The following CACNA1B variants were observed in gnomAD, a reference collection of about 807,000 sequenced individuals.
The protein encoded by CACNA1B is voltage-dependent N-type calcium channel subunit alpha-1B.
CACNA1B carries 70 observed loss-of-function variants against 247.2 expected under a neutral mutation model. The observed-to-expected ratio is 0.28, with a 90% CI of 0.23 to 0.35. The LOEUF is 0.35. Among genes scored for constraint, CACNA1B ranks in the 10% least tolerant of loss-of-function variants. The pLI is 1.00. For missense variants in CACNA1B, 2,367 were observed against 3,197.4 expected (o/e 0.74, Z 6.26); for synonymous variants, 1,231 against 1,294.4 (o/e 0.95, Z 1.05).
chr9:137,957,124 C>T lies in CACNA1B; in HGVS notation c.1243+297C>T, dbSNP rs1236683365. Among the ~76,000 whole-genome samples the T allele has an allele frequency of 6.6e-6, 1 of 152,180 alleles. No individual in the cohort carries two copies. The highest frequency in any genetic ancestry group is 6.5e-5 in the Admixed American group (1 of 15,280). ...GGGGCCATGAGAGGGAGCCCGGGCCCCACTGCTGTGGTTGCTGGCACTAGT... is the reference window on the plus strand; with the variant it reads ...GGGGCCATGAGAGGGAGCCCGGGCCTCACTGCTGTGGTTGCTGGCACTAGT... On this transcript the variant is annotated intron_variant, in intron 9 of 46. Transcript: ENST00000371372. This position sits in a 1 kb window ranked among gnomAD's most constrained non-coding sequence, Gnocchi z 4.7.
chr9:138,119,394 C>T (rs541888108), intron 44 of CACNA1B, among the ~76,000 whole-genome samples: 3 of 152,042 alleles, frequency 2.0e-5, no homozygotes, highest in Non-Finnish European at 4.4e-5. Context: ...CCCCGGCCTC[C>T]GAGGCCTCGG....
At position 137,914,870 on chromosome 9, in the gene CACNA1B, G is replaced by T. The variant is rs1185225384; in HGVS notation, c.775+64G>T. ...ACGGATGCGTTCATCCAGGAGATGG[G>T]CACTGTTCTAGGTGCTAGAGGGGCC... is the stretch of plus-strand genomic sequence containing the variant. On this transcript the variant is annotated intron_variant, in intron 5 of 46. Coordinates refer to ENST00000371372, the MANE Select transcript of CACNA1B (RefSeq NM_000718.4). This position sits in a 1 kb window ranked among gnomAD's most constrained non-coding sequence, Gnocchi z 4.3. 1.9e-6 allele frequency: 3 copies of T among 1,583,838 alleles called. No individual in the cohort carries two copies. Among genetic ancestry groups the T allele is most frequent in the Non-Finnish European group, 2.6e-6 (3 of 1,163,606 alleles).
intron 6 of CACNA1B, among the ~76,000 whole-genome samples, chr9:137,936,529 G>A (rs1957670685): frequency 6.6e-6 from 1 of 152,170 alleles, no homozygotes; most frequent in South Asian, 2.1e-4. Flanking sequence ...ATTGCTTTTG[G>A]TGTTTTAGTC....
chr9:138,062,489 C>T (rs1959761677), intron 31 of CACNA1B, among the ~76,000 whole-genome samples: 1 of 152,096 alleles, frequency 6.6e-6, no homozygotes, highest in African/African-American at 2.4e-5. Context: ...GTAGAGGTAC[C>T]CCTTCCATTG....
intron 3 of CACNA1B, among the ~76,000 whole-genome samples, chr9:137,884,688 G>A (rs1207932084): frequency 2.0e-5 from 3 of 151,940 alleles, no homozygotes; most frequent in Admixed American, 2.0e-4. Flanking sequence ...GCTGGGGGGT[G>A]CGGGCCAGCG....
At chr9:138,024,681 T>C (rs1958898460) in intron 19 of CACNA1B, among the ~76,000 whole-genome samples, 1 of 152,038 alleles carries the variant, frequency 6.6e-6, no homozygotes, top group Admixed American at 6.6e-5. Flanking sequence ...CAGGGTGGAG[T>C]GCAGTGGCGC....
rs776199320 is a variant in CACNA1B, at chr9:137,899,232, G to A, written c.531-13948G>A. 7.2e-5 allele frequency among the ~76,000 whole-genome samples: 11 copies of A among 151,748 alleles called. No individual in the cohort carries two copies. The highest frequency in any genetic ancestry group is 1.0e-4 in the Non-Finnish European group (7 of 67,960). Reference sequence around the variant, plus strand: ...CTTCTTGGGTAGCGGGATTACAGGCGCGCTCCACCATGCCAGGCTAATTTT... The same window carrying A: ...CTTCTTGGGTAGCGGGATTACAGGCACGCTCCACCATGCCAGGCTAATTTT... On this transcript the variant is annotated intron_variant, in intron 3 of 46. Coordinates refer to ENST00000371372, the MANE Select transcript of CACNA1B (RefSeq NM_000718.4). This position sits in a 1 kb window ranked among gnomAD's most constrained non-coding sequence, Gnocchi z 5.0.
intron 36 of CACNA1B, among the ~76,000 whole-genome samples, chr9:138,084,406 C>T (rs540953297): frequency 2.0e-5 from 3 of 151,220 alleles, no homozygotes; most frequent in Non-Finnish European, 4.4e-5. Context: ...ACACTGAGGA[C>T]ATTTACAGCC....
intron 6 of CACNA1B, among the ~76,000 whole-genome samples, chr9:137,923,477 G>C (rs961649370): frequency 6.7e-6 from 1 of 149,678 alleles, no homozygotes; most frequent in African/African-American, 2.5e-5. Context: ...GTAGTATTCC[G>C]TGGTGCCAGG....
intron 37 of CACNA1B, among the ~76,000 whole-genome samples, chr9:138,097,263 G>A (rs1264996415): frequency 6.6e-6 from 1 of 152,100 alleles, no homozygotes; most frequent in Non-Finnish European, 1.5e-5. Context: ...TGTTTCAAAG[G>A]CGAGGGGTGG....
At chr9:138,033,850 C>T (rs544273098) in intron 20 of CACNA1B, among the ~76,000 whole-genome samples, 3 of 152,178 alleles carry the variant, frequency 2.0e-5, no homozygotes, top group African/African-American at 7.2e-5. Flanking sequence ...CTGGTCTCTC[C>T]CTTGACACGT....
chr9:138,051,463 C>T lies in CACNA1B; in HGVS notation c.3711-629C>T. 7.2e-6 allele frequency among the ~76,000 whole-genome samples: 1 copy of T among 139,036 alleles called. No homozygotes were observed. Among genetic ancestry groups the T allele is most frequent in the Non-Finnish European group, 1.6e-5 (1 of 63,844 alleles). 91.2% of individuals were successfully genotyped at this position (139,036 alleles called of 152,430 possible). ...TCTGTCTCTATGGCTCTCCCTCCCT[C>T]CCTCCCTCCCTCCTTCCCTCCCTCT... On this transcript the variant is annotated intron_variant, in intron 24 of 46. Coordinates refer to ENST00000371372, the MANE Select transcript of CACNA1B (RefSeq NM_000718.4). The surrounding 1 kb of genome is among the most constrained non-coding windows in gnomAD (Gnocchi z 4.3).
rs1306362320 is a variant in CACNA1B, at chr9:137,891,166, G to A, written c.530+8283G>A. On this transcript the variant is annotated intron_variant, in intron 3 of 46. Transcript: ENST00000371372. The surrounding 1 kb of genome is among the most constrained non-coding windows in gnomAD (Gnocchi z 4.3). ...CTGTTGGGCTGATGGAGCACAGCCA[G>A]GGATCTGAGATGGGCTCTAAACTTG... The A allele has an allele frequency of 6.6e-6, 1 of 152,310 alleles. No individual in the cohort carries two copies. Among genetic ancestry groups the A allele is most frequent in the Admixed American group, 6.5e-5 (1 of 15,290 alleles). The allele number at this position is 152,310 out of a possible 1,614,324, so 9.4% of individuals were successfully genotyped here. A position where few individuals can be genotyped will look rare whatever the true frequency, so the allele number is the denominator to read the frequency against.
intron 12 of CACNA1B, among the ~76,000 whole-genome samples, chr9:137,979,876 G>A (rs1958273924): frequency 1.3e-5 from 2 of 152,186 alleles, no homozygotes; most frequent in African/African-American, 4.8e-5. Flanking sequence ...ATGGGCATAG[G>A]GTAACTGCAG....
At position 138,043,871 on chromosome 9, in the gene CACNA1B, C is replaced by T; in HGVS notation, c.3384C>T (p.Ser1128=). 1.9e-6 allele frequency: 3 copies of T among 1,614,016 alleles called. No individual in the cohort carries two copies. The highest frequency in any genetic ancestry group is 2.5e-6 in the Non-Finnish European group (3 of 1,179,878). Residue 1128 remains serine (S), a synonymous_variant, in exon 21 of 47, where the codon AGC becomes AGT. Coordinates refer to ENST00000371372, the MANE Select transcript of CACNA1B (RefSeq NM_000718.4). ...GCCCCCGGCCTATCGTCCCATACAG[C>T]TCCATGTTCTGTTTAAGCCCCACCA... is the stretch of plus-strand genomic sequence containing the variant. ...RSGPRPIVPY[S]SMFCLSPTNL...
intron 12 of CACNA1B, among the ~76,000 whole-genome samples, chr9:137,981,333 T>G (rs1005652427): frequency 4.6e-5 from 7 of 152,196 alleles, no homozygotes; most frequent in Non-Finnish European, 8.8e-5. Context: ...CAGCAAGTCC[T>G]GGCTTCCTTT....
In CACNA1B at chr9:137,913,127, T is replaced by G. The variant is rs1180957670; in HGVS notation, c.531-53T>G. On this transcript the variant is annotated intron_variant, in intron 3 of 46. Transcript: ENST00000371372. This position sits in a 1 kb window ranked among gnomAD's most constrained non-coding sequence, Gnocchi z 5.2. Reference sequence around the variant, plus strand: ...TGGTGGTGGGAGGAGTGTGTCCTCTTCCAGGCTCAATGTGGAAACCTTTAC... The same window carrying G: ...TGGTGGTGGGAGGAGTGTGTCCTCTGCCAGGCTCAATGTGGAAACCTTTAC... The G allele has an allele frequency of 7.0e-7, 1 of 1,433,392 alleles. No homozygotes were observed. The highest frequency in any genetic ancestry group is 1.7e-5 in the Admixed American group (1 of 58,660). The allele number at this position is 1,433,392 out of a possible 1,614,324, so 88.8% of individuals were successfully genotyped here.
chr9:138,009,193 C>T (rs1185407518), intron 16 of CACNA1B, among the ~76,000 whole-genome samples: 10 of 152,220 alleles, frequency 6.6e-5, no homozygotes, highest in Admixed American at 1.3e-4. Flanking sequence ...GTGCCTGTGC[C>T]GGTACCTGTG....
intron 15 of CACNA1B, among the ~76,000 whole-genome samples, chr9:137,987,691 G>A (rs1030156691): frequency 6.6e-6 from 1 of 152,138 alleles, no homozygotes; most frequent in Non-Finnish European, 1.5e-5. Flanking sequence ...GGGCCCTTTC[G>A]GTCCCACTCT....
Sources: gnomAD v4.1 joint callset for allele counts (sites outside exome capture counted in the v4.1 genomes callset) on GRCh38, gnomAD v4.1.1 for gene constraint, Gnocchi (gnomAD v3.1) non-coding constraint, MANE v1.5 for transcripts, NCBI Gene and HGNC (gene_info 2026-07-23, HGNC 2026-07-21) for gene names.